The following ANAPC10 variants were observed in gnomAD, a reference collection of about 807,000 sequenced individuals.
ANAPC10 encodes the protein anaphase promoting complex subunit 10.
A neutral mutation model predicts 22.0 loss-of-function variants in ANAPC10; 12 were observed. That is an observed-to-expected ratio of 0.55 (90% CI 0.35 to 0.88). The LOEUF (loss-of-function observed/expected upper bound fraction) is 0.88, where lower values mean the gene tolerates loss of function less well. Ranked by LOEUF, ANAPC10 falls within the 40% of genes least tolerant of loss-of-function variation. The pLI, the probability that ANAPC10 is intolerant of heterozygous loss-of-function variation, is 0.01. For synonymous variants in ANAPC10, 65 were observed against 69.5 expected, an observed-to-expected ratio of 0.94 and a Z score of 0.32; for missense variants, 188 against 220.9, an observed-to-expected ratio of 0.85 and a Z score of 0.94.
At chr4:145,083,196 G>A (rs1432862510) in intron 2 of ANAPC10, among the ~76,000 whole-genome samples, 1 of 152,036 alleles carries the variant, frequency 6.6e-6, no homozygotes, top group Non-Finnish European at 1.5e-5. Context: ...TTAACTATGT[G>A]CCAGGCGCAT....
intron 4 of ANAPC10, among the ~76,000 whole-genome samples, chr4:145,032,496 C>T (rs563177632): frequency 1.3e-5 from 2 of 152,210 alleles, no homozygotes; most frequent in East Asian, 1.9e-4. Flanking sequence ...CATATGAGTG[C>T]TCGCCAACAA....
At chr4:145,032,326 T>C (rs1231182963) in intron 4 of ANAPC10, among the ~76,000 whole-genome samples, 1 of 152,206 alleles carries the variant, frequency 6.6e-6, no homozygotes, top group East Asian at 1.9e-4. Flanking sequence ...TGGCCGGATG[T>C]ACAATTATAC....
At chr4:145,062,491 C>G (rs924895366) in intron 4 of ANAPC10, among the ~76,000 whole-genome samples, 1 of 151,908 alleles carries the variant, frequency 6.6e-6, no homozygotes, top group African/African-American at 2.4e-5. Context: ...CCTGTAATCC[C>G]AGCTACTCAA....
chr4:145,007,610 A>C (rs1578882263), intron 4 of ANAPC10, among the ~76,000 whole-genome samples: 1 of 152,238 alleles, frequency 6.6e-6, no homozygotes, highest in Non-Finnish European at 1.5e-5. Context: ...GCAGAAATAA[A>C]GATGTTTTTT....
intron 4 of ANAPC10, among the ~76,000 whole-genome samples, chr4:145,043,495 G>C (rs569456768): frequency 6.6e-6 from 1 of 152,128 alleles, no homozygotes; most frequent in South Asian, 2.1e-4. Context: ...ACATTATATG[G>C]TAGCATAACC....
intron 3 of ANAPC10, among the ~76,000 whole-genome samples, chr4:145,067,367 G>A (rs1231665058): frequency 6.6e-6 from 1 of 152,010 alleles, no homozygotes; most frequent in Non-Finnish European, 1.5e-5. Flanking sequence ...TACAAGAGTG[G>A]GGAAGGAAGA....
intron 2 of ANAPC10, among the ~76,000 whole-genome samples, chr4:145,088,807 C>T (rs1747259419): frequency 6.6e-6 from 1 of 152,190 alleles, no homozygotes; most frequent in Admixed American, 6.5e-5. Context: ...TACTTAAAAT[C>T]AATACTCTTT....
chr4:145,037,904 G>A (rs528139625), intron 4 of ANAPC10, among the ~76,000 whole-genome samples: 18 of 141,580 alleles, frequency 1.3e-4, no homozygotes, highest in Non-Finnish European at 2.5e-4. Flanking sequence ...CCATGATTGC[G>A]CTACTGCACT....
chr4:145,070,747 T>C (rs1744375051), intron 3 of ANAPC10, among the ~76,000 whole-genome samples: 1 of 152,332 alleles, frequency 6.6e-6, no homozygotes, highest in African/African-American at 2.4e-5. Flanking sequence ...AACAACCCAA[T>C]GTCCTCTGAC....
intron 4 of ANAPC10, among the ~76,000 whole-genome samples, chr4:145,006,743 C>T (rs992947450): frequency 6.6e-6 from 1 of 151,942 alleles, no homozygotes; most frequent in East Asian, 1.9e-4. Context: ...TCAGTTTGAA[C>T]CTTCTTAGCC....
chr4:145,017,735 T>C (rs1438841309), intron 4 of ANAPC10, among the ~76,000 whole-genome samples: 4 of 151,970 alleles, frequency 2.6e-5, no homozygotes, highest in African/African-American at 7.3e-5. Context: ...TGTCCAATGA[T>C]AGACTGGATT....
At chr4:145,090,951 T>C (rs1747586641) in intron 2 of ANAPC10, among the ~76,000 whole-genome samples, 1 of 152,202 alleles carries the variant, frequency 6.6e-6, no homozygotes, top group African/African-American at 2.4e-5. Flanking sequence ...GAAAAATATC[T>C]GACCCTAGAG....
intron 4 of ANAPC10, among the ~76,000 whole-genome samples, chr4:145,020,646 T>G (rs960702177): frequency 6.6e-6 from 1 of 152,132 alleles, no homozygotes; most frequent in African/African-American, 2.4e-5. Flanking sequence ...AAACTGTCAC[T>G]GTTTACTGAC....
rs761739940 is a variant in ANAPC10, at chr4:144,995,345, G to A, written c.*28C>T. 56 of 1,428,330 alleles carry A rather than the reference G, an allele frequency of 3.9e-5. No homozygotes were observed. Among genetic ancestry groups the A allele is most frequent in the Admixed American group, 2.5e-4 (14 of 56,720 alleles). 88.5% of individuals were successfully genotyped at this position (1,428,330 alleles called of 1,614,324 possible). On this transcript the variant is annotated 3_prime_UTR_variant, in exon 5 of 5. Coordinates refer to ENST00000507656, the MANE Select transcript of ANAPC10 (RefSeq NM_001256706.2). ...TAAATACAGGATAAAACAAAGATAC[G>A]TTTAATGATTTTCGTCTCATTTTAA...
chr4:144,995,182 G>A lies in ANAPC10; in HGVS notation c.*191C>T. 1 of 383,844 alleles carries A rather than the reference G, an allele frequency of 2.6e-6. No individual in the cohort carries two copies. Among genetic ancestry groups the A allele is most frequent in the South Asian group, 6.7e-5 (1 of 14,842 alleles). The allele number at this position is 383,844 out of a possible 1,614,324, so 23.8% of individuals were successfully genotyped here. A position where few individuals can be genotyped will look rare whatever the true frequency, so the allele number is the denominator to read the frequency against. On this transcript the variant is annotated 3_prime_UTR_variant, in exon 5 of 5. Transcript: ENST00000507656. ...ATTTTTAGTAATGTAAAATATGTGA[G>A]CTTTATTACATGTTAAAGAAAATAA...
At chr4:145,063,655 A>C (rs1016132187) in intron 4 of ANAPC10, among the ~76,000 whole-genome samples, 2 of 152,116 alleles carry the variant, frequency 1.3e-5, no homozygotes, top group African/African-American at 4.8e-5. Context: ...ACAGCTTCAC[A>C]ATTATGTAGT....
At chr4:145,094,268 G>A (rs763998668) in intron 2 of ANAPC10, among the ~76,000 whole-genome samples, 6 of 152,102 alleles carry the variant, frequency 3.9e-5, no homozygotes, top group East Asian at 1.9e-4. Flanking sequence ...TATTTATATC[G>A]GCATTCTGGG....
intron 2 of ANAPC10, among the ~76,000 whole-genome samples, chr4:145,085,466 G>C (rs773345320): frequency 1.4e-4 from 21 of 151,080 alleles, no homozygotes; most frequent in Non-Finnish European, 2.7e-4. Flanking sequence ...ACCTCAGCTA[G>C]GTTTTTTTTC....
intron 2 of ANAPC10, among the ~76,000 whole-genome samples, chr4:145,084,804 G>C (rs1417191128): frequency 2.6e-5 from 4 of 152,034 alleles, no homozygotes; most frequent in African/African-American, 9.7e-5. Context: ...AATACACACT[G>C]GTTTGAAGAT....
Sources: gnomAD v4.1 joint callset for allele counts (sites outside exome capture counted in the v4.1 genomes callset) on GRCh38, gnomAD v4.1.1 for gene constraint, MANE v1.5 for transcripts, NCBI Gene and HGNC (gene_info 2026-07-23, HGNC 2026-07-21) for gene names.